Variants in DMD observed in about 807,000 individuals in gnomAD.
The protein encoded by DMD is mutant dystrophin.
Under a neutral mutation model 330.1 loss-of-function variants are expected in DMD, and 63 were observed. The observed-to-expected ratio is 0.19, with a 90% confidence interval of 0.16 to 0.24. DMD has a LOEUF of 0.24. Ranked by LOEUF, DMD falls within the 10% of genes least tolerant of loss-of-function variation. The pLI is 1.00. For synonymous variants in DMD, 1,223 were observed against 959.8 expected (o/e 1.27, Z -5.07); for missense variants, 3,344 against 2,684.1 (o/e 1.25, Z -5.43).
intron 2 of DMD, among the ~76,000 whole-genome samples, chrX:32,880,172 G>A (rs972381807): frequency 7.4e-5 from 8 of 108,366 alleles, no homozygotes; most frequent in African/African-American, 2.4e-4. Flanking sequence ...CCTCCATTAC[G>A]GTCATGTCAA....
At chrX:32,366,742 C>A (rs1227971466) in intron 34 of DMD, among the ~76,000 whole-genome samples, 2 of 111,940 alleles carry the variant, frequency 1.8e-5, no homozygotes, top group Non-Finnish European at 3.8e-5. Context: ...ACTTCTCATA[C>A]TTTCTGTTTT....
At chrX:32,306,520 T>G in intron 42 of DMD, among the ~76,000 whole-genome samples, 1 of 111,486 alleles carries the variant, frequency 9.0e-6, no homozygotes, top group Non-Finnish European at 1.9e-5. Context: ...ATCACCCTCT[T>G]GGTTACCCAA....
At chrX:32,186,097 C>G (rs181091935) in intron 44 of DMD, among the ~76,000 whole-genome samples, 1 of 110,630 alleles carries the variant, frequency 9.0e-6, no homozygotes, top group East Asian at 2.9e-4. Context: ...TGAGCTAACC[C>G]AAGAAAGAAA....
intron 55 of DMD, among the ~76,000 whole-genome samples, chrX:31,516,386 T>A (rs962089214): frequency 9.1e-6 from 1 of 109,578 alleles, no homozygotes; most frequent in African/African-American, 3.3e-5. Flanking sequence ...AGGATTCTAA[T>A]CTAACCACCG....
chrX:31,901,488 T>C (rs561165656), intron 47 of DMD, among the ~76,000 whole-genome samples: 3 of 111,678 alleles, frequency 2.7e-5, no homozygotes, highest in East Asian at 2.8e-4. Flanking sequence ...AAAATAATTG[T>C]CTGTCCTTGG....
chrX:32,100,429 T>A (rs976687978), intron 44 of DMD, among the ~76,000 whole-genome samples: 1 of 108,127 alleles, frequency 9.2e-6, no homozygotes, highest in Admixed American at 1.0e-4. Context: ...AAAATGTAAA[T>A]GCATTTATCT....
intron 60 of DMD, among the ~76,000 whole-genome samples, chrX:31,421,908 C>CATATATATATGTATATAT (rs1178326989): frequency 8.0e-5 from 5 of 62,553 alleles, no homozygotes; most frequent in African/African-American, 6.1e-4. Flanking sequence ...TATACACACA[C>CATATATATATGTATATAT]ACACACATAT....
rs760498741 is a variant in DMD, at chrX:32,687,139, C to T, written c.960+10731G>A. On this transcript the variant is annotated intron_variant, in intron 9 of 78. Coordinates refer to ENST00000357033, the MANE Select transcript of DMD (RefSeq NM_004006.3). ...GCTCCTACTCTGTGACACTTATGTG[C>T]AAGGACATTCTCAAACTTCTTAATC... Among the ~76,000 whole-genome samples the T allele has an allele frequency of 2.7e-5, 3 of 112,075 alleles. No individual in the cohort carries two copies. The South Asian group carries it at 1.1e-3, about 41-fold the overall frequency.
chrX:32,340,691 T>C (rs567452702), intron 41 of DMD, among the ~76,000 whole-genome samples: 1 of 112,041 alleles, frequency 8.9e-6, no homozygotes, highest in South Asian at 3.7e-4. Context: ...TAAATTGAGG[T>C]GAAACTATTT....
chrX:31,380,145 A>C (rs181057110), intron 60 of DMD, among the ~76,000 whole-genome samples: 1 of 110,792 alleles, frequency 9.0e-6, no homozygotes, highest in Non-Finnish European at 1.9e-5. Context: ...TAACTGTTGT[A>C]GGTATTGACG....
intron 1 of DMD, among the ~76,000 whole-genome samples, chrX:33,104,518 C>T (rs918290699): frequency 9.2e-6 from 1 of 108,969 alleles, no homozygotes; most frequent in African/African-American, 3.4e-5. Flanking sequence ...CCTTGTGACC[C>T]CCACTCCTGC....
Position 31,952,832 on chromosome X carries a change from C to T in DMD, c.6614+15507G>A, listed in dbSNP as rs536139663. ...AAAGGAGCCCCAAATTCTGATGTTC[C>T]TTCTTATGCCCAGCGTTTTTTAAAT... On this transcript the variant is annotated intron_variant, in intron 45 of 78. Coordinates refer to ENST00000357033, the MANE Select transcript of DMD (RefSeq NM_004006.3). Among the ~76,000 whole-genome samples the T allele has an allele frequency of 4.9e-4, 55 of 111,948 alleles. 1 individual carries two copies. The South Asian group carries it at 0.02, about 40-fold the overall frequency.
chrX:31,427,140 ATTAC>A (rs1487615746), intron 60 of DMD, among the ~76,000 whole-genome samples: 1 of 111,713 alleles, frequency 9.0e-6, no homozygotes, highest in African/African-American at 3.2e-5. Context: ...TTGCTTAGAT[ATTAC>A]TTATTTCACC....
chrX:32,415,847 T>A (rs2147976192), intron 29 of DMD, among the ~76,000 whole-genome samples: 1 of 112,462 alleles, frequency 8.9e-6, no homozygotes, highest in East Asian at 2.8e-4. Context: ...CAATGAAAAT[T>A]AAAACTAAGT....
chrX:32,814,452 T>C (rs1473958240), intron 6 of DMD, among the ~76,000 whole-genome samples: 2 of 112,336 alleles, frequency 1.8e-5, no homozygotes, highest in Non-Finnish European at 3.8e-5. Flanking sequence ...CTCATGACAT[T>C]CCTAATTGTG....
intron 62 of DMD, among the ~76,000 whole-genome samples, chrX:31,321,014 C>A (rs2056373680): frequency 9.0e-6 from 1 of 111,261 alleles, no homozygotes; most frequent in African/African-American, 3.3e-5. Flanking sequence ...GATTTGAGCT[C>A]TTTAAAGAGG....
At chrX:31,687,981 C>G (rs1388483897) in intron 52 of DMD, among the ~76,000 whole-genome samples, 2 of 111,244 alleles carry the variant, frequency 1.8e-5, no homozygotes, top group Non-Finnish European at 3.8e-5. Flanking sequence ...CTATCCCTAT[C>G]TCTTTCTCTA....
At chrX:33,144,715 G>C (rs1021987384) in intron 1 of DMD, among the ~76,000 whole-genome samples, 2 of 111,338 alleles carry the variant, frequency 1.8e-5, no homozygotes, top group African/African-American at 3.3e-5. Context: ...TTCACAGAGA[G>C]CAAAAGGGTG....
At chrX:32,858,502 G>A (rs759242149) in intron 2 of DMD, among the ~76,000 whole-genome samples, 1 of 110,949 alleles carries the variant, frequency 9.0e-6, no homozygotes, top group South Asian at 3.8e-4. Context: ...GCTCAGTTTT[G>A]TATTTTTAGT....
Sources: allele counts gnomAD v4.1 joint callset (sites outside exome capture counted in the v4.1 genomes callset), GRCh38; gene constraint gnomAD v4.1.1; transcripts MANE v1.5; gene names NCBI Gene and HGNC (gene_info 2026-07-23, HGNC 2026-07-21).